AKAP19: variants seen among roughly 807,000 people sequenced by gnomAD.
AKAP19 encodes the protein small A-kinase anchoring protein.
chr2:190,194,516 ACACG>A, the AKAP19 span, among the ~76,000 whole-genome samples: 69 of 149,694 alleles, frequency 4.6e-4, no homozygotes, highest in African/African-American at 1.5e-3. Flanking sequence ...ACACACACAC[ACACG>A]CAGCATCTCC....
chr2:190,055,831 G>A, the AKAP19 span: 1 of 152,052 alleles, frequency 6.6e-6, no homozygotes, highest in Non-Finnish European at 1.5e-5. Context: ...CAAAACAGAA[G>A]TAAATAAATG....
At chr2:190,060,414 T>A in the AKAP19 span, 4 of 1,610,024 alleles carry the variant, frequency 2.5e-6, no homozygotes, top group South Asian at 3.3e-5. Flanking sequence ...GGGTTTTCCA[T>A]CCACTTGCAT....
chr2:189,949,173 G>A, the AKAP19 span, among the ~76,000 whole-genome samples: 118 of 152,142 alleles, frequency 7.8e-4, no homozygotes, highest in African/African-American at 2.7e-3. Context: ...CAGTATCTGC[G>A]GGTTTCACAT....
At chr2:190,186,827 A>AT in the AKAP19 span, among the ~76,000 whole-genome samples, 1 of 152,092 alleles carries the variant, frequency 6.6e-6, no homozygotes, top group South Asian at 2.1e-4. This position sits in a 1 kb window ranked among gnomAD's most constrained non-coding sequence, Gnocchi z 5.5. Context: ...AGATATATGT[A>AT]TTTTTTATAA....
chr2:189,964,896 T>C, the AKAP19 span, among the ~76,000 whole-genome samples: 15 of 152,348 alleles, frequency 9.8e-5, no homozygotes, highest in African/African-American at 3.6e-4. Flanking sequence ...ATTTTTTATG[T>C]TCACAGAAGT....
the AKAP19 span, among the ~76,000 whole-genome samples, chr2:190,102,561 A>G: frequency 6.6e-6 from 1 of 152,166 alleles, no homozygotes; most frequent in African/African-American, 2.4e-5. Context: ...GAACTCCTCT[A>G]TGCTCACAAA....
chr2:190,168,423 G>T, the AKAP19 span, among the ~76,000 whole-genome samples: 1 of 111,658 alleles, frequency 9.0e-6, no homozygotes, highest in African/African-American at 3.4e-5. Flanking sequence ...CCCCCCCACC[G>T]CCCTCCCCAC....
the AKAP19 span, among the ~76,000 whole-genome samples, chr2:189,976,824 A>G: frequency 6.6e-6 from 1 of 152,106 alleles, no homozygotes; most frequent in Non-Finnish European, 1.5e-5. Context: ...AGATTGTTGG[A>G]AAAGCGCAGT....
At chr2:190,123,301 TCTGA>T in the AKAP19 span, among the ~76,000 whole-genome samples, 1 of 152,220 alleles carries the variant, frequency 6.6e-6, no homozygotes, top group African/African-American at 2.4e-5. Flanking sequence ...TTCTTAGCAC[TCTGA>T]CTTTTAGTTA....
the AKAP19 span, among the ~76,000 whole-genome samples, chr2:190,072,762 A>G: frequency 6.6e-6 from 1 of 152,182 alleles, no homozygotes; most frequent in Non-Finnish European, 1.5e-5. Flanking sequence ...AACTTTTGGT[A>G]CAAAGAGGAA....
chr2:190,095,842 T>A, the AKAP19 span, among the ~76,000 whole-genome samples: 8 of 152,170 alleles, frequency 5.3e-5, no homozygotes, highest in Non-Finnish European at 1.0e-4. Context: ...AAGGCTGCTG[T>A]CTTCACATCT....
At chr2:189,967,809 A>C in the AKAP19 span, among the ~76,000 whole-genome samples, 1 of 151,906 alleles carries the variant, frequency 6.6e-6, no homozygotes, top group Non-Finnish European at 1.5e-5. Context: ...TGGGCAACAT[A>C]ATGAGACCCC....
the AKAP19 span, among the ~76,000 whole-genome samples, chr2:190,044,113 G>A: frequency 6.6e-6 from 1 of 152,088 alleles, no homozygotes; most frequent in South Asian, 2.1e-4. Flanking sequence ...TGAAAGTGTG[G>A]GTTCCTTTCC....
At chr2:189,960,975 C>A in the AKAP19 span, among the ~76,000 whole-genome samples, 1 of 152,224 alleles carries the variant, frequency 6.6e-6, no homozygotes, top group Admixed American at 6.5e-5. Flanking sequence ...CAGCTTCACA[C>A]TCTAGCCTAT....
the AKAP19 span, among the ~76,000 whole-genome samples, chr2:190,083,571 A>T: frequency 1.6e-4 from 22 of 140,830 alleles, 1 homozygote; most frequent in Admixed American, 1.6e-3. Context: ...GTGGGCTGAT[A>T]CAAAGTTGTT....
chr2:190,039,011 T>C, the AKAP19 span, among the ~76,000 whole-genome samples: 1 of 122,544 alleles, frequency 8.2e-6, no homozygotes, highest in Admixed American at 7.9e-5. Flanking sequence ...TTCTTCTTCC[T>C]CTTCCTCTTC....
chr2:190,049,310 TTAAAA>T, the AKAP19 span, among the ~76,000 whole-genome samples: 66 of 152,248 alleles, frequency 4.3e-4, no homozygotes, highest in Middle Eastern at 6.8e-3. Context: ...ATAACCTTAC[TTAAAA>T]TAAGAGAAAT....
chr2:189,962,368 G>A, the AKAP19 span, among the ~76,000 whole-genome samples: 3 of 152,098 alleles, frequency 2.0e-5, no homozygotes, highest in Admixed American at 1.3e-4. Flanking sequence ...TATTTCTCAG[G>A]ATGTATCCCT....
the AKAP19 span, among the ~76,000 whole-genome samples, chr2:190,083,513 A>T: frequency 1.9e-4 from 28 of 149,366 alleles, no homozygotes; most frequent in South Asian, 2.5e-3. Context: ...TAAGAGTTCC[A>T]TTTGACCTTT....
Sources: allele counts gnomAD v4.1 joint callset (sites outside exome capture counted in the v4.1 genomes callset), GRCh38; gene constraint gnomAD v4.1.1; non-coding constraint Gnocchi (gnomAD v3.1); transcripts MANE v1.5; gene names NCBI Gene and HGNC (gene_info 2026-07-23, HGNC 2026-07-21).